Variants in CDH13 observed in about 807,000 individuals in gnomAD.
CDH13 encodes the protein cadherin-13.
Under a neutral mutation model 63.8 loss-of-function variants are expected in CDH13, and 24 were observed. The observed-to-expected ratio is 0.38, with a 90% confidence interval of 0.27 to 0.53. The LOEUF is 0.53. Ranked by LOEUF, CDH13 falls within the 20% of genes least tolerant of loss-of-function variation. The probability of loss-of-function intolerance (pLI) is 0.85; values close to 1 mark genes in which losing one functional copy is unlikely to be tolerated. For synonymous variants in CDH13, 503 were observed against 355.3 expected (o/e 1.42, Z -4.67); for missense variants, 1,049 against 903.1 (o/e 1.16, Z -2.07).
chr16:83,095,167 C>G (rs1000866644), intron 3 of CDH13, among the ~76,000 whole-genome samples: 1 of 152,192 alleles, frequency 6.6e-6, no homozygotes, highest in African/African-American at 2.4e-5. Flanking sequence ...AATACTCACA[C>G]TGTGGCTGAT....
intron 7 of CDH13, among the ~76,000 whole-genome samples, chr16:83,513,735 A>C (rs2074630534): frequency 6.6e-6 from 1 of 152,182 alleles, no homozygotes; most frequent in South Asian, 2.1e-4. Context: ...AGGCCCCTCC[A>C]ACAACACATG....
chr16:83,205,706 G>A (rs1390606362), intron 4 of CDH13, among the ~76,000 whole-genome samples: 1 of 148,498 alleles, frequency 6.7e-6, no homozygotes, highest in African/African-American at 2.5e-5. Context: ...CTGATTTCAA[G>A]CGATTCCCCT....
At chr16:83,359,002 T>C (rs557500129) in intron 6 of CDH13, among the ~76,000 whole-genome samples, 29 of 152,172 alleles carry the variant, frequency 1.9e-4, no homozygotes, top group Non-Finnish European at 3.4e-4. Context: ...TATGTCAGTG[T>C]GCTGGCTTCG....
chr16:83,081,651 C>T (rs1185286669), intron 3 of CDH13, among the ~76,000 whole-genome samples: 2 of 152,028 alleles, frequency 1.3e-5, no homozygotes, highest in African/African-American at 4.8e-5. Context: ...TCTTGGTTCA[C>T]AGACAGCTGC....
rs145690297 is a variant in CDH13 at position 83,385,817 on chromosome 16, A to G, written c.781+40811A>G. ...CTAAAGATTCCCGGCATGTCCCACT[A>G]TCTCCTTTTGGGGCTGAGAAAATGA... is the stretch of plus-strand genomic sequence containing the variant. On this transcript the variant is annotated intron_variant, in intron 6 of 13. Coordinates refer to ENST00000567109, the MANE Select transcript of CDH13 (RefSeq NM_001257.5). Among the ~76,000 whole-genome samples, 234 of 152,240 alleles carry G rather than the reference A, an allele frequency of 1.5e-3. 2 individuals carry two copies. Among genetic ancestry groups the G allele is most frequent in the African/African-American group, 4.7e-3 (196 of 41,552 alleles).
At chr16:82,639,221 C>G (rs1909078402) in intron 1 of CDH13, 7 of 495,496 alleles carry the variant, frequency 1.4e-5, no homozygotes, top group Non-Finnish European at 2.5e-5. Context: ...CCTGGGATGA[C>G]TACTTTTTTG....
chr16:83,201,664 G>T (rs1337653973), intron 4 of CDH13, among the ~76,000 whole-genome samples: 1 of 151,944 alleles, frequency 6.6e-6, no homozygotes. Context: ...TTGGGAGGCT[G>T]AGGCGGGCAG....
intron 7 of CDH13, among the ~76,000 whole-genome samples, chr16:83,529,263 C>G (rs2075030324): frequency 1.3e-5 from 2 of 152,058 alleles, no homozygotes; most frequent in Admixed American, 6.6e-5. Context: ...TTGCAGTGTA[C>G]AAGCTAATTG....
At chr16:83,473,504 C>A (rs549502356) in intron 6 of CDH13, among the ~76,000 whole-genome samples, 1 of 152,168 alleles carries the variant, frequency 6.6e-6, no homozygotes, top group African/African-American at 2.4e-5. Context: ...ATACCTGGAA[C>A]TTCAGCCAGG....
intron 1 of CDH13, among the ~76,000 whole-genome samples, chr16:82,761,680 A>G (rs1032770221): frequency 2.6e-5 from 4 of 152,230 alleles, no homozygotes; most frequent in South Asian, 2.1e-4. Flanking sequence ...CACTTGTTTC[A>G]TATCTCAACA....
intron 4 of CDH13, among the ~76,000 whole-genome samples, chr16:83,216,969 A>C (rs765021524): frequency 1.9e-4 from 29 of 152,120 alleles, no homozygotes; most frequent in Admixed American, 1.8e-3. Context: ...ATGCGCAGCA[A>C]ATGGCTTCCA....
At chr16:82,768,897 C>T (rs2035160686) in intron 1 of CDH13, among the ~76,000 whole-genome samples, 1 of 152,152 alleles carries the variant, frequency 6.6e-6, no homozygotes, top group African/African-American at 2.4e-5. Context: ...TTGTATTTTG[C>T]AAACATTTTG....
chr16:83,018,559 G>A (rs35993400), intron 2 of CDH13, among the ~76,000 whole-genome samples: 8,457 of 152,262 alleles, frequency 0.056, 524 homozygotes, highest in African/African-American at 0.15. Context: ...TCACCCAGAA[G>A]GAACTAGATC....
chr16:82,831,448 C>G (rs188925908), intron 1 of CDH13, among the ~76,000 whole-genome samples: 1 of 152,128 alleles, frequency 6.6e-6, no homozygotes, highest in East Asian at 1.9e-4. Context: ...AATGGCATAA[C>G]TATTGCTTAA....
intron 1 of CDH13, among the ~76,000 whole-genome samples, chr16:82,677,163 T>A (rs993309238): frequency 6.6e-6 from 1 of 152,186 alleles, no homozygotes; most frequent in Non-Finnish European, 1.5e-5. Flanking sequence ...ATTATAGGAG[T>A]GAGCCACTGC....
At chr16:83,343,542 G>A (rs1005880313) in intron 5 of CDH13, among the ~76,000 whole-genome samples, 15 of 152,184 alleles carry the variant, frequency 9.9e-5, no homozygotes, top group African/African-American at 2.4e-4. Context: ...ATTTTGCCAT[G>A]CTTTTGAAAA....
At chr16:83,738,403 C>A (rs1486369236) in intron 10 of CDH13, among the ~76,000 whole-genome samples, 1 of 152,256 alleles carries the variant, frequency 6.6e-6, no homozygotes, top group Admixed American at 6.5e-5. Flanking sequence ...TAGTGCTTAT[C>A]TCTGGAAGTG....
chr16:82,810,747 C>A (rs920903887), intron 1 of CDH13, among the ~76,000 whole-genome samples: 3 of 151,928 alleles, frequency 2.0e-5, no homozygotes, highest in African/African-American at 7.3e-5. Flanking sequence ...GTGTGAAGAG[C>A]ATAAGAGGGG....
intron 7 of CDH13, among the ~76,000 whole-genome samples, chr16:83,533,498 C>T (rs1423363722): frequency 1.3e-5 from 2 of 152,054 alleles, no homozygotes; most frequent in African/African-American, 4.8e-5. Context: ...GGTTTCTCAG[C>T]TCTCATAATA....
Sources: gnomAD v4.1 joint callset for allele counts (sites outside exome capture counted in the v4.1 genomes callset) on GRCh38, gnomAD v4.1.1 for gene constraint, MANE v1.5 for transcripts, NCBI Gene and HGNC (gene_info 2026-07-23, HGNC 2026-07-21) for gene names.